The following CSNK2A2IP variants were observed in gnomAD, a reference collection of about 807,000 sequenced individuals.
CSNK2A2IP encodes casein kinase 2 subunit alpha' interacting protein.
the CSNK2A2IP span, chr3:88,467,299 A>C: frequency 2.5e-6 from 1 of 397,758 alleles, no homozygotes; most frequent in Non-Finnish European, 4.4e-6. Context: ...TTCCTTTTCC[A>C]TCTCATCCTC....
At chr3:88,455,654 C>G in the CSNK2A2IP span, among the ~76,000 whole-genome samples, 19 of 151,794 alleles carry the variant, frequency 1.3e-4, no homozygotes, top group Middle Eastern at 3.4e-3. Context: ...TGTGAGCTAC[C>G]TTTTCATTTT....
chr3:88,409,985 AG>A, the CSNK2A2IP span, among the ~76,000 whole-genome samples: 1 of 152,088 alleles, frequency 6.6e-6, no homozygotes, highest in African/African-American at 2.4e-5. Context: ...TGCCTGAATT[AG>A]GATCATTGTG....
chr3:88,444,160 A>C, the CSNK2A2IP span, among the ~76,000 whole-genome samples: 1 of 152,144 alleles, frequency 6.6e-6, no homozygotes, highest in Non-Finnish European at 1.5e-5. Context: ...ACCTCTGTTC[A>C]TAATTAGTTT....
At chr3:88,395,764 T>C in the CSNK2A2IP span, among the ~76,000 whole-genome samples, 14 of 152,308 alleles carry the variant, frequency 9.2e-5, no homozygotes, top group African/African-American at 2.9e-4. Context: ...GAATTATTTA[T>C]TTCTTTTTGT....
At chr3:88,344,574 C>CA in the CSNK2A2IP span, among the ~76,000 whole-genome samples, 8 of 151,912 alleles carry the variant, frequency 5.3e-5, no homozygotes, top group African/African-American at 1.9e-4. Flanking sequence ...TTTGATGTAC[C>CA]AATTTCTTCT....
the CSNK2A2IP span, among the ~76,000 whole-genome samples, chr3:88,452,329 T>C: frequency 6.6e-6 from 1 of 152,132 alleles, no homozygotes; most frequent in Non-Finnish European, 1.5e-5. Context: ...TACAGAAGCA[T>C]GAAAATCAAT....
At chr3:88,442,200 T>A in the CSNK2A2IP span, among the ~76,000 whole-genome samples, 161 of 152,176 alleles carry the variant, frequency 1.1e-3, no homozygotes, top group African/African-American at 3.9e-3. Flanking sequence ...GGCCTATGAA[T>A]TTTTTTAAAA....
At chr3:88,343,576 C>G in the CSNK2A2IP span, among the ~76,000 whole-genome samples, 1 of 151,808 alleles carries the variant, frequency 6.6e-6, no homozygotes, top group Admixed American at 6.6e-5. Flanking sequence ...AGGAATCAAA[C>G]AGGGCTACTT....
chr3:88,442,016 A>T, the CSNK2A2IP span, among the ~76,000 whole-genome samples: 1 of 152,296 alleles, frequency 6.6e-6, no homozygotes, highest in African/African-American at 2.4e-5. Context: ...GTTTTTGAGA[A>T]ACTTTAAAAA....
the CSNK2A2IP span, among the ~76,000 whole-genome samples, chr3:88,395,118 T>A: frequency 6.6e-6 from 1 of 152,258 alleles, no homozygotes; most frequent in African/African-American, 2.4e-5. Context: ...CATACTCATA[T>A]GCAGACGTAT....
chr3:88,341,329 A>G, the CSNK2A2IP span, among the ~76,000 whole-genome samples: 4 of 151,842 alleles, frequency 2.6e-5, no homozygotes, highest in African/African-American at 9.7e-5. Flanking sequence ...GAAATTGTAA[A>G]GGTAAAAATG....
At chr3:88,465,339 A>C in the CSNK2A2IP span, 1 of 1,229,006 alleles carries the variant, frequency 8.1e-7, no homozygotes, top group East Asian at 3.2e-5. Context: ...TTTTAAAAAG[A>C]CCTCTACTAC....
chr3:88,352,966 GC>G, the CSNK2A2IP span, among the ~76,000 whole-genome samples: 1 of 152,082 alleles, frequency 6.6e-6, no homozygotes, highest in Non-Finnish European at 1.5e-5. Flanking sequence ...AATTCTACCA[GC>G]TTAGTAAACT....
At chr3:88,397,925 A>G in the CSNK2A2IP span, among the ~76,000 whole-genome samples, 1 of 152,076 alleles carries the variant, frequency 6.6e-6, no homozygotes, top group Non-Finnish European at 1.5e-5. Context: ...TCATAAAGCA[A>G]TCCTTAATCT....
the CSNK2A2IP span, chr3:88,466,370 C>CT: frequency 1.6e-6 from 2 of 1,231,874 alleles, no homozygotes; most frequent in African/African-American, 3.1e-5. Context: ...ACGAATTCAC[C>CT]TGTCTGTCAC....
chr3:88,405,185 A>C, the CSNK2A2IP span, among the ~76,000 whole-genome samples: 1 of 152,198 alleles, frequency 6.6e-6, no homozygotes, highest in African/African-American at 2.4e-5. Flanking sequence ...GCAATGCAAA[A>C]TCTCATTGCA....
At chr3:88,399,558 T>A in the CSNK2A2IP span, 1 of 152,228 alleles carries the variant, frequency 6.6e-6, no homozygotes, top group Admixed American at 6.5e-5. Flanking sequence ...TACTATATGC[T>A]GGTAAGGTGC....
the CSNK2A2IP span, among the ~76,000 whole-genome samples, chr3:88,349,601 G>A: frequency 2.0e-5 from 3 of 152,066 alleles, no homozygotes; most frequent in African/African-American, 7.2e-5. Flanking sequence ...AAACATGTGT[G>A]TGCATGTATC....
At chr3:88,383,255 T>C in the CSNK2A2IP span, among the ~76,000 whole-genome samples, 1 of 152,220 alleles carries the variant, frequency 6.6e-6, no homozygotes, top group African/African-American at 2.4e-5. Context: ...TAAGAGATTA[T>C]GCAGCATTGT....
Sources: gnomAD v4.1 joint callset for allele counts (sites outside exome capture counted in the v4.1 genomes callset) on GRCh38, gnomAD v4.1.1 for gene constraint, MANE v1.5 for transcripts, NCBI Gene and HGNC (gene_info 2026-07-23, HGNC 2026-07-21) for gene names.